RCAN1: variants seen among roughly 807,000 people sequenced by gnomAD.
RCAN1 encodes the protein calcipressin-1.
In RCAN1, 11 loss-of-function variants were observed where a neutral mutation model predicts 22.9. That is an observed-to-expected ratio of 0.48 (90% confidence interval 0.30 to 0.79). RCAN1 has a LOEUF of 0.79. Among genes scored for constraint, RCAN1 ranks in the 30% least tolerant of loss-of-function variants. The pLI, the probability that RCAN1 is intolerant of heterozygous loss-of-function variation, is 0.06. For synonymous variants in RCAN1, 136 were observed against 142.3 expected, an observed-to-expected ratio of 0.96 and a Z score of 0.32; for missense variants, 291 against 337.8, an observed-to-expected ratio of 0.86 and a Z score of 1.09.
intron 1 of RCAN1, among the ~76,000 whole-genome samples, chr21:34,581,702 A>G (rs1419504120): frequency 6.6e-6 from 1 of 152,198 alleles, no homozygotes; most frequent in East Asian, 1.9e-4. Flanking sequence ...AAAATATTAC[A>G]CACTATCAGG....
At chr21:34,551,973 C>T (rs1475928546) in intron 1 of RCAN1, among the ~76,000 whole-genome samples, 2 of 152,142 alleles carry the variant, frequency 1.3e-5, no homozygotes, top group Admixed American at 6.6e-5. Context: ...GCTGTGTGCT[C>T]AGAGGATCAA....
At chr21:34,551,538 T>G (rs1986366809) in intron 1 of RCAN1, among the ~76,000 whole-genome samples, 1 of 152,214 alleles carries the variant, frequency 6.6e-6, no homozygotes, top group Non-Finnish European at 1.5e-5. Flanking sequence ...CTTCAGCTAG[T>G]CCAAAACCCA....
intron 1 of RCAN1, among the ~76,000 whole-genome samples, chr21:34,542,436 A>G (rs1985954384): frequency 6.6e-6 from 1 of 151,720 alleles, no homozygotes; most frequent in Admixed American, 6.6e-5. Flanking sequence ...TGAAGAGCCC[A>G]TACAGAGACG....
intron 1 of RCAN1, among the ~76,000 whole-genome samples, chr21:34,603,662 T>C (rs188385451): frequency 6.6e-6 from 1 of 152,294 alleles, no homozygotes; most frequent in Admixed American, 6.5e-5. Context: ...TACCCCGGGA[T>C]TCCACAGTGC....
At position 34,518,716 on chromosome 21, in the gene RCAN1, C is replaced by T. The variant is rs748439181; in HGVS notation, c.587-460G>A. The stretch of plus-strand genomic sequence containing the variant: ...GGTCGCAGTGCACGCCCAGGAAGGG[C>T]GCCACAGGAGGCCCTGCAGCAGACG... On this transcript the variant is annotated intron_variant, in intron 3 of 3. Coordinates refer to ENST00000313806, the MANE Select transcript of RCAN1 (RefSeq NM_004414.7). The surrounding 1 kb of genome is among the most constrained non-coding windows in gnomAD (Gnocchi z 4.2). Among the ~76,000 whole-genome samples, 5 of 152,212 alleles carry T rather than the reference C, an allele frequency of 3.3e-5. No individual in the cohort carries two copies. The highest frequency in any genetic ancestry group is 2.1e-4 in the South Asian group (1 of 4,832).
chr21:34,556,222 C>T (rs948793348), intron 1 of RCAN1, among the ~76,000 whole-genome samples: 18 of 149,892 alleles, frequency 1.2e-4, no homozygotes, highest in Non-Finnish European at 1.8e-4. Flanking sequence ...TCAGGAGTTT[C>T]GGACCAGCCT....
chr21:34,521,189 G>C (rs1440918236), intron 3 of RCAN1: 1 of 1,362,858 alleles, frequency 7.3e-7, no homozygotes, highest in Non-Finnish European at 9.4e-7. Context: ...CCTGGGGCCG[G>C]GGCTCAGGCC....
At chr21:34,591,790 A>T (rs1315327724) in intron 1 of RCAN1, among the ~76,000 whole-genome samples, 2 of 152,196 alleles carry the variant, frequency 1.3e-5, no homozygotes, top group African/African-American at 4.8e-5. Flanking sequence ...CCTGGCCATC[A>T]TCTCGATGCA....
intron 1 of RCAN1, among the ~76,000 whole-genome samples, chr21:34,564,681 CATTA>C (rs923952069): frequency 6.6e-6 from 1 of 152,034 alleles, no homozygotes; most frequent in East Asian, 1.9e-4. Context: ...ATACAATATT[CATTA>C]ATTATTTTTC....
chr21:34,570,365 T>A (rs554424517), intron 1 of RCAN1, among the ~76,000 whole-genome samples: 1 of 152,344 alleles, frequency 6.6e-6, no homozygotes, highest in African/African-American at 2.4e-5. Context: ...AGTGATTTGC[T>A]TCTGCATATA....
At chr21:34,539,536 T>G (rs1207468540) in intron 1 of RCAN1, among the ~76,000 whole-genome samples, 1 of 152,262 alleles carries the variant, frequency 6.6e-6, no homozygotes, top group Non-Finnish European at 1.5e-5. Context: ...ATTTCCACAA[T>G]GAACACTTAT....
chr21:34,563,371 A>G (rs984228308), intron 1 of RCAN1, among the ~76,000 whole-genome samples: 1 of 152,196 alleles, frequency 6.6e-6, no homozygotes, highest in South Asian at 2.1e-4. Context: ...TGGTAATTCC[A>G]TTTGGGGAAA....
chr21:34,530,616 G>GTTTT lies in RCAN1; in HGVS notation c.253-6910_253-6907dup, dbSNP rs59150851. On this transcript the variant is annotated intron_variant, in intron 1 of 3. Transcript: ENST00000313806. ...TTTTTGCTTCTAAGATAGTGAAATA[G>GTTTT]TTTTTTTTTTTTTTTTTTTTTTTTT... Among the ~76,000 whole-genome samples the GTTTT allele has an allele frequency of 1.4e-3, 91 of 66,192 alleles. 7 individuals are homozygous for GTTTT. Among genetic ancestry groups the GTTTT allele is most frequent in the Middle Eastern group, 7.2e-3 (1 of 138 alleles). 43.4% of individuals were successfully genotyped at this position (66,192 alleles called of 152,430 possible).
At chr21:34,552,702 A>G (rs1178878823) in intron 1 of RCAN1, among the ~76,000 whole-genome samples, 1 of 152,176 alleles carries the variant, frequency 6.6e-6, no homozygotes, top group Non-Finnish European at 1.5e-5. Context: ...GCACACATAG[A>G]CACATACCAA....
At chr21:34,585,635 C>T (rs9941887) in intron 1 of RCAN1, among the ~76,000 whole-genome samples, 25,793 of 146,890 alleles carry the variant, frequency 0.18, 2,663 homozygotes, top group South Asian at 0.26. Flanking sequence ...CCCAGCTACT[C>T]GGGAGGCTGA....
intron 1 of RCAN1, among the ~76,000 whole-genome samples, chr21:34,599,893 T>G (rs1329981752): frequency 1.3e-5 from 2 of 152,194 alleles, no homozygotes; most frequent in African/African-American, 2.4e-5. Context: ...AATAGCCTCA[T>G]GGGCAGCATG....
Position 34,535,642 on chromosome 21 carries a change from C to T in RCAN1, c.253-11932G>A, listed in dbSNP as rs574170854. Among the ~76,000 whole-genome samples the T allele has an allele frequency of 2.5e-3, 386 of 152,072 alleles. 2 individuals are homozygous for T. The highest frequency in any genetic ancestry group is 8.8e-3 in the African/African-American group (364 of 41,462). ...TACTTTGAAAAAAAAATAAGAAACG[C>T]TGAAGTATCTTTTGATACTTTGCCT... On this transcript the variant is annotated intron_variant, in intron 1 of 3. Transcript: ENST00000313806.
intron 1 of RCAN1, among the ~76,000 whole-genome samples, chr21:34,545,508 G>GA (rs1986098256): frequency 6.6e-6 from 1 of 152,216 alleles, no homozygotes; most frequent in South Asian, 2.1e-4. Flanking sequence ...GAAACACTGA[G>GA]AAAATAGATG....
chr21:34,557,129 C>CTTGAA (rs1289659750), intron 1 of RCAN1, among the ~76,000 whole-genome samples: 2 of 152,202 alleles, frequency 1.3e-5, no homozygotes, highest in Non-Finnish European at 2.9e-5. Flanking sequence ...AGGAGAATTT[C>CTTGAA]TTGAACCCGG....
Sources: gnomAD v4.1 joint callset for allele counts (sites outside exome capture counted in the v4.1 genomes callset) on GRCh38, gnomAD v4.1.1 for gene constraint, Gnocchi (gnomAD v3.1) non-coding constraint, MANE v1.5 for transcripts, NCBI Gene and HGNC (gene_info 2026-07-23, HGNC 2026-07-21) for gene names.